The following FYB1 variants were observed in gnomAD, a reference collection of about 807,000 sequenced individuals.
The protein encoded by FYB1 is FYN binding protein 1, also known as FYN-binding protein 1.
In FYB1, 41 loss-of-function variants were observed where a neutral mutation model predicts 94.1. The observed-to-expected ratio is 0.44, with a 90% CI of 0.34 to 0.57. The LOEUF (loss-of-function observed/expected upper bound fraction) is 0.57. Among genes scored for constraint, FYB1 ranks in the 20% least tolerant of loss-of-function variants. The pLI, the probability that FYB1 is intolerant of heterozygous loss-of-function variation, is 0.02. For synonymous variants in FYB1, 367 were observed against 353.2 expected (o/e 1.04, Z -0.44); for missense variants, 1,050 against 976.8 (o/e 1.07, Z -1.00).
chr5:39,240,754 C>T (rs1204906728), intron 1 of FYB1, among the ~76,000 whole-genome samples: 1 of 152,162 alleles, frequency 6.6e-6, no homozygotes, highest in Admixed American at 6.6e-5. Flanking sequence ...ATGTGGAAAG[C>T]AATGTGGCAA....
At chr5:39,126,216 A>G in intron 11 of FYB1, 81 bp from the exon 12 acceptor site, 1 of 1,391,684 alleles carries the variant, frequency 7.2e-7, no homozygotes, top group South Asian at 1.4e-5. Context: ...GATTCTTTAT[A>G]ATCATTAATC....
At chr5:39,192,960 C>T (rs746514324) in intron 2 of FYB1, among the ~76,000 whole-genome samples, 46 of 152,210 alleles carry the variant, frequency 3.0e-4, no homozygotes, top group Non-Finnish European at 5.1e-4. Flanking sequence ...GTGTTCTGTT[C>T]ACCTCCTCCT....
chr5:39,127,626 TG>T, intron 11 of FYB1, 114 bp downstream of exon 11: 1 of 1,117,890 alleles, frequency 8.9e-7, no homozygotes, highest in Non-Finnish European at 1.2e-6. Context: ...TCAAATCATT[TG>T]GGGTAATGTG....
chr5:39,225,286 G>A (rs1048344521), intron 1 of FYB1, among the ~76,000 whole-genome samples: 2 of 152,136 alleles, frequency 1.3e-5, no homozygotes, highest in African/African-American at 4.8e-5. Flanking sequence ...AATTGACAGA[G>A]CATTAGGCTG....
In FYB1 at chr5:39,218,209, C is replaced by T. The variant is rs75957080; in HGVS notation, c.-28+1234G>A. 1.7e-4 allele frequency among the ~76,000 whole-genome samples: 26 copies of T among 152,334 alleles called. No individual in the cohort carries two copies. In the East Asian group the frequency reaches 3.9e-3, roughly 23 times the overall value. On this transcript the variant is annotated intron_variant, in intron 1 of 18. Coordinates refer to ENST00000512982, the MANE Select transcript of FYB1 (RefSeq NM_001465.6). Reference sequence around the variant, plus strand: ...TTTCCTTTTTGAAACGGATGGTCAACTTTTCCACGGGGTGCCTTAAGTGCA... The same window carrying T: ...TTTCCTTTTTGAAACGGATGGTCAATTTTTCCACGGGGTGCCTTAAGTGCA...
At chr5:39,253,597 A>G (rs890058476) in intron 1 of FYB1, among the ~76,000 whole-genome samples, 1 of 152,142 alleles carries the variant, frequency 6.6e-6, no homozygotes, top group African/African-American at 2.4e-5. Flanking sequence ...TTACACAGGT[A>G]AATGTGTGTT....
chr5:39,273,698 A>T (rs1752725797), intron 1 of FYB1, among the ~76,000 whole-genome samples: 1 of 152,166 alleles, frequency 6.6e-6, no homozygotes, highest in Admixed American at 6.5e-5. Flanking sequence ...TTTAGAAAAC[A>T]GTTTTTGTTC....
At chr5:39,122,460 G>A in intron 13 of FYB1, 58 bp from the exon 14 acceptor site, 1 of 976,180 alleles carries the variant, frequency 1.0e-6, no homozygotes, top group South Asian at 1.4e-5. Context: ...TTTGATATGA[G>A]CATTCAATGA....
chr5:39,198,998 T>G (rs922675768), intron 2 of FYB1, among the ~76,000 whole-genome samples: 2 of 152,016 alleles, frequency 1.3e-5, no homozygotes, highest in Non-Finnish European at 2.9e-5. Context: ...ATGTCACATC[T>G]CAACACTCAT....
intron 2 of FYB1, among the ~76,000 whole-genome samples, chr5:39,195,940 T>C (rs1200577753): frequency 7.6e-6 from 1 of 131,276 alleles, no homozygotes; most frequent in Non-Finnish European, 1.6e-5. Context: ...CCTTAAATTG[T>C]TCTTAGGAAA....
At chr5:39,239,602 A>G (rs1172563634) in intron 1 of FYB1, among the ~76,000 whole-genome samples, 2 of 152,062 alleles carry the variant, frequency 1.3e-5, no homozygotes, top group Admixed American at 6.6e-5. Flanking sequence ...ACAGCTAACC[A>G]TAGAGGGGAA....
In FYB1 at chr5:39,202,588, A is replaced by C. The variant is rs1241884464; in HGVS notation, c.373T>G (p.Ser125Ala). The C allele has an allele frequency of 6.2e-7, 1 of 1,613,750 alleles. No individual in the cohort carries two copies. The highest frequency in any genetic ancestry group is 1.1e-5 in the South Asian group (1 of 91,068). ...GGAGGCCAGGGAAATGTAGGTTTGG[A>C]ATCTTCTTTGGGCAAGTTGATGGGC... ...PKPINLPKED[S>A]KPTFPWPPGN... The change falls in exon 2 of 19, where the codon TCC (serine) becomes GCC (alanine). Residue 125 changes from serine to alanine, a missense_variant. Transcript: ENST00000512982.
chr5:39,247,265 T>G (rs1280752252), intron 1 of FYB1, among the ~76,000 whole-genome samples: 8 of 151,606 alleles, frequency 5.3e-5, no homozygotes, highest in Non-Finnish European at 1.2e-4. Context: ...AGATACTAAG[T>G]TTTGAAATGT....
At chr5:39,259,963 A>G (rs1752144482) in intron 1 of FYB1, among the ~76,000 whole-genome samples, 1 of 152,306 alleles carries the variant, frequency 6.6e-6, no homozygotes, top group East Asian at 1.9e-4. Context: ...TGCTGGACAC[A>G]CTAGGACAGT....
At chr5:39,145,208 T>TGCTATTGCAAATGCTTA (rs1325212979) in intron 3 of FYB1, among the ~76,000 whole-genome samples, 3 of 152,208 alleles carry the variant, frequency 2.0e-5, no homozygotes, top group African/African-American at 7.2e-5. Context: ...AAAAATCTAA[T>TGCTATTGCAAATGCTTA]TGCAAATGCT....
chr5:39,195,913 C>T (rs942550393), intron 2 of FYB1, among the ~76,000 whole-genome samples: 8 of 151,738 alleles, frequency 5.3e-5, no homozygotes, highest in South Asian at 2.1e-4. Context: ...TTAAAAAAAA[C>T]GTTTAGTCTT....
At chr5:39,173,797 T>C (rs914882517) in intron 2 of FYB1, among the ~76,000 whole-genome samples, 1 of 152,202 alleles carries the variant, frequency 6.6e-6, no homozygotes, top group Non-Finnish European at 1.5e-5. Flanking sequence ...GTTCAGCTGG[T>C]CTATATGTCT....
chr5:39,142,571 G>A (rs2150335762), intron 3 of FYB1, among the ~76,000 whole-genome samples: 1 of 152,016 alleles, frequency 6.6e-6, no homozygotes. Context: ...CTCATTCTTT[G>A]TTTTCTCCCT....
At position 39,137,403 on chromosome 5, in the gene FYB1, T is replaced by C. The variant is rs572839970; in HGVS notation, c.1515+197A>G. The C allele has an allele frequency of 2.6e-5, 12 of 458,638 alleles. No homozygotes were observed. In the East Asian group the frequency reaches 5.1e-4, roughly 20 times the overall value. 28.4% of individuals were successfully genotyped at this position (458,638 alleles called of 1,614,324 possible). A position where few individuals can be genotyped will look rare whatever the true frequency, so the allele number is the denominator to read the frequency against. ...TCCACTAATTATGAACCAATATATT[T>C]ATTTAAATTTTATTATATTAGTTCA... On this transcript the variant is annotated intron_variant, in intron 7 of 18. Transcript: ENST00000512982.
Sources: allele counts gnomAD v4.1 joint callset (sites outside exome capture counted in the v4.1 genomes callset), GRCh38; gene constraint gnomAD v4.1.1; transcripts MANE v1.5; gene names NCBI Gene and HGNC (gene_info 2026-07-23, HGNC 2026-07-21).